Variants in FARP1 observed in about 807,000 individuals in gnomAD.
FARP1 encodes the protein FERM, ARHGEF and pleckstrin domain-containing protein 1.
FARP1 carries 52 observed loss-of-function variants against 128.8 expected under a neutral mutation model. That is an observed-to-expected ratio of 0.40 (90% CI 0.32 to 0.51). The LOEUF (loss-of-function observed/expected upper bound fraction) is 0.51, where lower values mean the gene tolerates loss of function less well. FARP1 is among the 20% of genes least tolerant of loss of function. FARP1 has a pLI of 0.45. For synonymous variants in FARP1, 580 were observed against 551.8 expected, an observed-to-expected ratio of 1.05 and a Z score of -0.72; for missense variants, 1,333 against 1,367.9, an observed-to-expected ratio of 0.97 and a Z score of 0.40.
intron 2 of FARP1, among the ~76,000 whole-genome samples, chr13:98,247,795 A>G (rs922657010): frequency 1.3e-5 from 2 of 152,176 alleles, no homozygotes; most frequent in African/African-American, 4.8e-5. Flanking sequence ...AACAGAGAAC[A>G]GGGGCAAGAT....
intron 2 of FARP1, among the ~76,000 whole-genome samples, chr13:98,337,692 TC>T (rs1045373632): frequency 3.9e-5 from 6 of 152,110 alleles, no homozygotes; most frequent in South Asian, 2.1e-4. Context: ...TTCCACCTTT[TC>T]CCCATTCAAA....
chr13:98,414,056 A>G (rs1566302887), intron 16 of FARP1, among the ~76,000 whole-genome samples: 1 of 152,214 alleles, frequency 6.6e-6, no homozygotes, highest in Non-Finnish European at 1.5e-5. Context: ...AGAGAAATGC[A>G]GAGAGCTGTC....
chr13:98,271,756 G>T (rs1221276198), intron 2 of FARP1, among the ~76,000 whole-genome samples: 2 of 152,080 alleles, frequency 1.3e-5, no homozygotes, highest in Admixed American at 1.3e-4. Context: ...CTCTTTTAAG[G>T]CTGCATAGTA....
chr13:98,406,242 A>G (rs1463842146), intron 13 of FARP1: 1 of 152,242 alleles, frequency 6.6e-6, no homozygotes, highest in African/African-American at 2.4e-5. Context: ...AATTGCTGAA[A>G]GGTAAATGAG....
At chr13:98,344,160 A>G (rs539285302) in intron 3 of FARP1, among the ~76,000 whole-genome samples, 2 of 152,328 alleles carry the variant, frequency 1.3e-5, no homozygotes, top group African/African-American at 4.8e-5. Context: ...AGAGTGTGAT[A>G]TGATCTGATT....
intron 2 of FARP1, among the ~76,000 whole-genome samples, chr13:98,318,315 C>T (rs900492680): frequency 1.3e-5 from 2 of 152,058 alleles, no homozygotes; most frequent in African/African-American, 4.8e-5. Context: ...CATTGGCCTT[C>T]CAAAACACTG....
intron 17 of FARP1, 137 bp from the exon 18 acceptor site, chr13:98,430,906 A>G (rs377399281): frequency 4.0e-5 from 26 of 652,206 alleles, no homozygotes; most frequent in South Asian, 3.6e-4. Flanking sequence ...ACTATGAACA[A>G]TGTGAAATTT....
At chr13:98,163,818 C>T (rs562389366) in intron 1 of FARP1, among the ~76,000 whole-genome samples, 4 of 152,110 alleles carry the variant, frequency 2.6e-5, no homozygotes, top group East Asian at 1.9e-4. Flanking sequence ...AAGTGATTCT[C>T]CTGCCTCAGC....
Position 98,328,839 on chromosome 13 carries a change from A to G in FARP1, c.172-14923A>G, listed in dbSNP as rs59680898. 3.5e-3 allele frequency: 534 copies of G among 152,374 alleles called. 5 individuals carry two copies. The highest frequency in any genetic ancestry group is 0.012 in the African/African-American group (493 of 41,582). 9.4% of individuals were successfully genotyped at this position (152,374 alleles called of 1,614,324 possible). A position where few individuals can be genotyped will look rare whatever the true frequency, so the allele number is the denominator to read the frequency against. ...GGAGAAGTTATGTCCAGGGTGGGAC[A>G]GAGAGGACGGCGAGAGATTTCCTCA... On this transcript the variant is annotated intron_variant, in intron 2 of 26. Transcript: ENST00000319562.
At position 98,410,814 on chromosome 13, in the gene FARP1, T is replaced by G; in HGVS notation, c.1683T>G (p.Val561=). 1 of 1,553,500 alleles carries G rather than the reference T, an allele frequency of 6.4e-7. No individual in the cohort carries two copies. The highest frequency in any genetic ancestry group is 8.9e-7 in the Non-Finnish European group (1 of 1,128,032). The change falls in exon 15 of 27, where the codon GTT becomes GTG. Residue 561 remains valine (V), a synonymous_variant. Transcript: ENST00000319562. ...GAACATATCTGAAGGATCTCGAAGT[T>G]ATCACTTCGGTATGTGCAGTATTTC... is the stretch of plus-strand genomic sequence containing the variant. ...TERTYLKDLE[V]ITSWFQSTVS...
rs181755573 is a variant in FARP1, at chr13:98,324,283, A to C, written c.172-19479A>C. On this transcript the variant is annotated intron_variant, in intron 2 of 26. Coordinates refer to ENST00000319562, the MANE Select transcript of FARP1 (RefSeq NM_005766.4). The stretch of plus-strand genomic sequence containing the variant: ...GTTTCATGAAGGAAGCCTCATTTTC[A>C]TGAGGAAATCTTGGCGTGTCTACTC... Among the ~76,000 whole-genome samples, 11 of 152,318 alleles carry C rather than the reference A, an allele frequency of 7.2e-5. No homozygotes were observed. In the East Asian group the frequency reaches 9.6e-4, roughly 13 times the overall value.
At chr13:98,239,121 A>G (rs1882614541) in intron 2 of FARP1, among the ~76,000 whole-genome samples, 1 of 152,202 alleles carries the variant, frequency 6.6e-6, no homozygotes, top group Non-Finnish European at 1.5e-5. Flanking sequence ...ATATTTTTGA[A>G]GATTTACTGC....
chr13:98,274,096 A>G (rs1884518227), intron 2 of FARP1, among the ~76,000 whole-genome samples: 1 of 152,092 alleles, frequency 6.6e-6, no homozygotes, highest in African/African-American at 2.4e-5. Context: ...CAGCATACAG[A>G]GATTGCTTTT....
intron 17 of FARP1, among the ~76,000 whole-genome samples, chr13:98,430,118 G>A (rs942647451): frequency 1.1e-4 from 17 of 151,898 alleles, no homozygotes; most frequent in African/African-American, 4.1e-4. Flanking sequence ...GCTGGGTGTG[G>A]TGGCTCAAGC....
At position 98,246,020 on chromosome 13, in the gene FARP1, G is replaced by GC. The variant is rs908703174; in HGVS notation, c.171+32613dup. On this transcript the variant is annotated intron_variant, in intron 2 of 26. Coordinates refer to ENST00000319562, the MANE Select transcript of FARP1 (RefSeq NM_005766.4). Reference sequence around the variant, plus strand: ...TCGAATTCATGAGCTCAGGCAATCTGCCCCCCTCAGCCTCCCAAAGTGTTG... The same window carrying GC: ...TCGAATTCATGAGCTCAGGCAATCTGCCCCCCCTCAGCCTCCCAAAGTGTTG... Among the ~76,000 whole-genome samples, 145 of 149,038 alleles carry GC rather than the reference G, an allele frequency of 9.7e-4. 1 individual carries two copies. The highest frequency in any genetic ancestry group is 3.5e-3 in the Middle Eastern group (1 of 284).
intron 2 of FARP1, among the ~76,000 whole-genome samples, chr13:98,331,267 T>A (rs1307754304): frequency 6.6e-6 from 1 of 152,234 alleles, no homozygotes; most frequent in Non-Finnish European, 1.5e-5. Context: ...GTAAGTTTCT[T>A]TTTCCTAAAT....
chr13:98,265,665 G>C (rs1292277587), intron 2 of FARP1, among the ~76,000 whole-genome samples: 1 of 152,138 alleles, frequency 6.6e-6, no homozygotes, highest in Non-Finnish European at 1.5e-5. Context: ...CAGCTGTTTA[G>C]ACACACACAC....
intron 2 of FARP1, among the ~76,000 whole-genome samples, chr13:98,322,953 C>T (rs536569909): frequency 6.6e-6 from 1 of 152,032 alleles, no homozygotes; most frequent in East Asian, 1.9e-4. Context: ...TATTTGCATT[C>T]GTAATAGGAA....
intron 13 of FARP1, among the ~76,000 whole-genome samples, chr13:98,408,106 G>C (rs758126476): frequency 6.6e-6 from 1 of 152,036 alleles, no homozygotes; most frequent in Non-Finnish European, 1.5e-5. Context: ...AGGACTGCAG[G>C]TTATTTTAAC....
Sources: gnomAD v4.1 joint callset for allele counts (sites outside exome capture counted in the v4.1 genomes callset) on GRCh38, gnomAD v4.1.1 for gene constraint, MANE v1.5 for transcripts, NCBI Gene and HGNC (gene_info 2026-07-23, HGNC 2026-07-21) for gene names.